The following ARMC9 variants were observed in gnomAD, a reference collection of about 807,000 sequenced individuals.
ARMC9 encodes lisH domain-containing protein ARMC9.
Under a neutral mutation model 107.0 loss-of-function variants are expected in ARMC9, and 94 were observed. The ratio of observed to expected loss-of-function variants is 0.88; its 90% CI spans 0.74 to 1.04. The LOEUF (loss-of-function observed/expected upper bound fraction) is 1.04. ARMC9 is among the 50% of genes least tolerant of loss of function. The pLI is 0.00. For synonymous variants in ARMC9, 380 were observed against 396.9 expected (o/e 0.96, Z 0.51); for missense variants, 942 against 1,030.1 (o/e 0.91, Z 1.17).
rs566637327 is a variant in ARMC9 at position 231,358,610 on chromosome 2, G to A, written c.2132-2144G>A. 8.7e-4 allele frequency among the ~76,000 whole-genome samples: 133 copies of A among 152,188 alleles called. No homozygotes were observed. Among genetic ancestry groups the A allele is most frequent in the African/African-American group, 3.1e-3 (128 of 41,542 alleles). On this transcript the variant is annotated intron_variant, in intron 22 of 24. Transcript: ENST00000611582. This position sits in a 1 kb window ranked among gnomAD's most constrained non-coding sequence, Gnocchi z 4.5. ...AGTCTGGCCTGTGCTGGGAACTAAC[G>A]CCCCACCCAGAGACCCCGTGGAAAC...
At chr2:231,223,387 C>T (rs2034340663) in intron 6 of ARMC9, among the ~76,000 whole-genome samples, 1 of 152,078 alleles carries the variant, frequency 6.6e-6, no homozygotes, top group South Asian at 2.1e-4. Flanking sequence ...GGACAAAGTA[C>T]CAGGGTGACA....
chr2:231,335,889 A>T (rs919635872), intron 20 of ARMC9, among the ~76,000 whole-genome samples: 3 of 151,962 alleles, frequency 2.0e-5, no homozygotes, highest in Admixed American at 6.6e-5. Context: ...CAGCCTGGGC[A>T]ATGTAGGGAA....
chr2:231,264,467 C>T (rs1212758830), intron 12 of ARMC9, among the ~76,000 whole-genome samples: 1 of 151,888 alleles, frequency 6.6e-6, no homozygotes, highest in South Asian at 2.1e-4. Flanking sequence ...GCGTGAGCCA[C>T]TGTGCCCAGC....
intron 24 of ARMC9, chr2:231,370,634 C>CCTGA (rs935062846): frequency 4.4e-5 from 7 of 159,576 alleles, no homozygotes; most frequent in African/African-American, 1.7e-4. Context: ...GCCAGAAGGG[C>CCTGA]CTGAAGATGG....
At chr2:231,281,745 A>G (rs1225664592) in intron 16 of ARMC9, among the ~76,000 whole-genome samples, 3 of 152,248 alleles carry the variant, frequency 2.0e-5, no homozygotes, top group African/African-American at 7.2e-5. Flanking sequence ...AACAAAATCA[A>G]CGATGACTCC....
At chr2:231,313,680 A>G (rs772016152) in intron 19 of ARMC9, among the ~76,000 whole-genome samples, 13 of 151,872 alleles carry the variant, frequency 8.6e-5, no homozygotes, top group Non-Finnish European at 7.4e-5. Flanking sequence ...GTAACCATCA[A>G]TCTGCTTCTG....
chr2:231,240,291 C>G, intron 9 of ARMC9: 1 of 516,856 alleles, frequency 1.9e-6, no homozygotes, highest in Non-Finnish European at 3.4e-6. Flanking sequence ...AGTGGGGGTT[C>G]CCAGGGTTGG....
intron 13 of ARMC9, among the ~76,000 whole-genome samples, chr2:231,272,186 G>GT (rs1651813406): frequency 2.1e-4 from 27 of 128,054 alleles, no homozygotes; most frequent in African/African-American, 6.3e-4. Flanking sequence ...GTGTGTGTTT[G>GT]GTTTTTTTTT....
intron 14 of ARMC9, among the ~76,000 whole-genome samples, chr2:231,275,918 A>C (rs990345345): frequency 9.2e-5 from 14 of 152,084 alleles, no homozygotes; most frequent in African/African-American, 3.4e-4. Context: ...GTGCCATTGC[A>C]CTCCAGCCTG....
chr2:231,341,504 G>C (rs769015611), intron 20 of ARMC9, among the ~76,000 whole-genome samples: 5 of 152,170 alleles, frequency 3.3e-5, no homozygotes, highest in East Asian at 1.9e-4. Flanking sequence ...ACACATTGCC[G>C]TGCCGACAAA....
intron 12 of ARMC9, among the ~76,000 whole-genome samples, chr2:231,270,279 C>A (rs113147939): frequency 6.6e-6 from 1 of 152,312 alleles, no homozygotes; most frequent in Non-Finnish European, 1.5e-5. Flanking sequence ...TGCCTGGTGT[C>A]CCAGATCCAC....
At chr2:231,282,579 A>G (rs1393858670) in intron 17 of ARMC9, among the ~76,000 whole-genome samples, 1 of 152,228 alleles carries the variant, frequency 6.6e-6, no homozygotes, top group Admixed American at 6.5e-5. Flanking sequence ...TCTAATCAGG[A>G]AAACAACTAG....
rs1272206634 is a variant in ARMC9, at chr2:231,271,052, CT to C, written c.1194del (p.Phe398LeufsTer25). On this transcript the variant is annotated frameshift_variant, in exon 13 of 25. Transcript: ENST00000611582. LOFTEE classifies it high-confidence loss of function. ...VRQYMARLIN[A>X]FASLAEGRLY... ...CAGTACATGGCCAGGCTCATCAATG[CT>C]TTTGCGTCACTGGCAGAAGGTGAGA... is the stretch of plus-strand genomic sequence containing the variant. 2.5e-6 allele frequency: 4 copies of C among 1,614,026 alleles called. No homozygotes were observed. In the African/African-American group the frequency reaches 5.3e-5, roughly 22 times the overall value.
chr2:231,344,133 G>A (rs1575148411), intron 20 of ARMC9, among the ~76,000 whole-genome samples: 2 of 151,956 alleles, frequency 1.3e-5, no homozygotes, highest in African/African-American at 4.8e-5. Context: ...TTTATCTTAC[G>A]CTTTCCATGT....
chr2:231,359,178 C>CG (rs2045468202), intron 22 of ARMC9, among the ~76,000 whole-genome samples: 1 of 151,668 alleles, frequency 6.6e-6, no homozygotes, highest in Non-Finnish European at 1.5e-5. Context: ...CTCCGCCTCC[C>CG]GGGGTTCAAG....
intron 17 of ARMC9, among the ~76,000 whole-genome samples, chr2:231,289,319 TAGTC>T (rs1305829045): frequency 1.3e-5 from 2 of 151,906 alleles, no homozygotes; most frequent in Non-Finnish European, 1.5e-5. Flanking sequence ...ATACAAAAAT[TAGTC>T]AGGCATGGTG....
Position 231,231,572 on chromosome 2 carries a change from C to A in ARMC9, c.623-3652C>A, listed in dbSNP as rs370974695. On this transcript the variant is annotated intron_variant, in intron 7 of 24. Transcript: ENST00000611582. Reference sequence around the variant, plus strand: ...CTAATTTTTGTACTTTTAGTAGAGACGGGATTTCACCACGTTGGCCAGGCT... The same window carrying A: ...CTAATTTTTGTACTTTTAGTAGAGAAGGGATTTCACCACGTTGGCCAGGCT... 2.0e-4 allele frequency among the ~76,000 whole-genome samples: 30 copies of A among 151,788 alleles called. No individual in the cohort carries two copies. The East Asian group carries it at 5.4e-3, about 27-fold the overall frequency.
Position 231,235,119 on chromosome 2 carries a change from A to C in ARMC9, c.623-105A>C, listed in dbSNP as rs1365040225. On this transcript the variant is annotated intron_variant, in intron 7 of 24. Coordinates refer to ENST00000611582, the MANE Select transcript of ARMC9 (RefSeq NM_001352754.2). Reference sequence around the variant, plus strand: ...CAAGTAGTGTCCAGTTTATTGTTACAAGAAAACATTCTGGCAATAAGTATG... The same window carrying C: ...CAAGTAGTGTCCAGTTTATTGTTACCAGAAAACATTCTGGCAATAAGTATG... The C allele has an allele frequency of 3.1e-6, 4 of 1,271,756 alleles. No individual in the cohort carries two copies. The East Asian group carries it at 7.6e-5, about 24-fold the overall frequency. 78.8% of individuals were successfully genotyped at this position (1,271,756 alleles called of 1,614,324 possible). A position where few individuals can be genotyped will look rare whatever the true frequency, so the allele number is the denominator to read the frequency against.
chr2:231,300,837 A>C (rs1383801613), intron 19 of ARMC9, among the ~76,000 whole-genome samples: 1 of 152,348 alleles, frequency 6.6e-6, no homozygotes, highest in East Asian at 1.9e-4. Flanking sequence ...AGAAATTCCA[A>C]GTACTCCAGG....
Sources: gnomAD v4.1 joint callset for allele counts (sites outside exome capture counted in the v4.1 genomes callset) on GRCh38, gnomAD v4.1.1 for gene constraint, Gnocchi (gnomAD v3.1) non-coding constraint, MANE v1.5 for transcripts, NCBI Gene and HGNC (gene_info 2026-07-23, HGNC 2026-07-21) for gene names.